Variants in FBXL7 observed in about 807,000 individuals in gnomAD.
FBXL7 encodes F-box/LRR-repeat protein 7.
In FBXL7, 12 loss-of-function variants were observed where a neutral mutation model predicts 38.3. The ratio of observed to expected loss-of-function variants is 0.31; its 90% CI spans 0.20 to 0.51. The LOEUF (loss-of-function observed/expected upper bound fraction) is 0.51, where lower values mean the gene tolerates loss of function less well. Ranked by LOEUF, FBXL7 falls within the 20% of genes least tolerant of loss-of-function variation. The probability of loss-of-function intolerance (pLI) is 0.98; values close to 1 mark genes in which losing one functional copy is unlikely to be tolerated. For synonymous variants in FBXL7, 297 were observed against 300.9 expected (o/e 0.99, Z 0.13); for missense variants, 567 against 676.4 (o/e 0.84, Z 1.79).
intron 2 of FBXL7, among the ~76,000 whole-genome samples, chr5:15,871,064 T>C (rs1739936026): frequency 6.6e-6 from 1 of 152,160 alleles, no homozygotes; most frequent in Admixed American, 6.5e-5. Flanking sequence ...AGGAGAGCTC[T>C]TGCTGGCATC....
chr5:15,816,532 G>T (rs905425668), intron 2 of FBXL7, among the ~76,000 whole-genome samples: 6 of 152,030 alleles, frequency 3.9e-5, no homozygotes, highest in Admixed American at 1.3e-4. Context: ...TACATATTGG[G>T]TACACGTACA....
In FBXL7 at chr5:15,564,703, C is replaced by T. The variant is rs1380498606; in HGVS notation, c.38-51280C>T. On this transcript the variant is annotated intron_variant, in intron 1 of 3. Coordinates refer to ENST00000504595, the MANE Select transcript of FBXL7 (RefSeq NM_012304.5). ...TTAGTTTGAATCTGGTCCAGTATCC[C>T]GGATGCCAAATGACTTTCAGGAAGG... 2.0e-5 allele frequency among the ~76,000 whole-genome samples: 3 copies of T among 152,024 alleles called. No individual in the cohort carries two copies. The South Asian group carries it at 6.2e-4, about 32-fold the overall frequency.
intron 2 of FBXL7, among the ~76,000 whole-genome samples, chr5:15,743,327 C>T (rs559282813): frequency 9.2e-5 from 14 of 152,204 alleles, no homozygotes; most frequent in Non-Finnish European, 1.6e-4. Context: ...ATTGGGTAAA[C>T]ACACCTGTTC....
At chr5:15,631,147 T>C (rs1740984132) in intron 2 of FBXL7, among the ~76,000 whole-genome samples, 2 of 152,192 alleles carry the variant, frequency 1.3e-5, no homozygotes, top group African/African-American at 4.8e-5. Flanking sequence ...GGTTTTAATG[T>C]TGAAACTTAA....
At chr5:15,802,180 A>G (rs1737587831) in intron 2 of FBXL7, among the ~76,000 whole-genome samples, 1 of 152,092 alleles carries the variant, frequency 6.6e-6, no homozygotes, top group Non-Finnish European at 1.5e-5. Flanking sequence ...AATCACGCTG[A>G]GAGACCATCA....
In FBXL7 at chr5:15,898,183, GA is replaced by G. The variant is rs556770648; in HGVS notation, c.128-29704del. On this transcript the variant is annotated intron_variant, in intron 2 of 3. Coordinates refer to ENST00000504595, the MANE Select transcript of FBXL7 (RefSeq NM_012304.5). ...CCTACAGGCAGAGTGAAGATACTCAGAAAGTAAACTCAGCCCCAGCCAGGGA... is the reference window on the plus strand; with the variant it reads ...CCTACAGGCAGAGTGAAGATACTCAGAAGTAAACTCAGCCCCAGCCAGGGA... Among the ~76,000 whole-genome samples the G allele has an allele frequency of 2.3e-3, 352 of 151,670 alleles. 1 individual carries two copies. Among genetic ancestry groups the G allele is most frequent in the African/African-American group, 8.2e-3 (339 of 41,388 alleles).
chr5:15,631,684 A>C (rs1420637190), intron 2 of FBXL7, among the ~76,000 whole-genome samples: 1 of 150,626 alleles, frequency 6.6e-6, no homozygotes, highest in Non-Finnish European at 1.5e-5. Flanking sequence ...AAAAAAAAAA[A>C]AAAAAAAAAA....
chr5:15,672,700 G>A (rs971642641), intron 2 of FBXL7, among the ~76,000 whole-genome samples: 60 of 151,854 alleles, frequency 4.0e-4, no homozygotes, highest in South Asian at 2.1e-4. Context: ...GACTACAGGC[G>A]CATGCCATCA....
intron 2 of FBXL7, among the ~76,000 whole-genome samples, chr5:15,650,016 T>G (rs1395099746): frequency 6.6e-6 from 1 of 152,194 alleles, no homozygotes; most frequent in Non-Finnish European, 1.5e-5. Flanking sequence ...TATTTCCCAG[T>G]CCTGTAATAG....
chr5:15,538,682 A>G (rs1737655166), intron 1 of FBXL7, among the ~76,000 whole-genome samples: 1 of 152,202 alleles, frequency 6.6e-6, no homozygotes, highest in Admixed American at 6.5e-5. Context: ...CTCCTGGCAG[A>G]GCCTTCTATT....
At chr5:15,707,469 T>C (rs978778044) in intron 2 of FBXL7, among the ~76,000 whole-genome samples, 2 of 152,160 alleles carry the variant, frequency 1.3e-5, no homozygotes, top group Non-Finnish European at 1.5e-5. Context: ...TTGTGACACC[T>C]AGCCTGGCCA....
chr5:15,867,337 C>T (rs1338062434), intron 2 of FBXL7, among the ~76,000 whole-genome samples: 2 of 152,194 alleles, frequency 1.3e-5, no homozygotes, highest in African/African-American at 2.4e-5. Flanking sequence ...TCCTGACTAT[C>T]CTTAAGACTT....
At chr5:15,590,227 C>T (rs371987197) in intron 1 of FBXL7, among the ~76,000 whole-genome samples, 1 of 152,160 alleles carries the variant, frequency 6.6e-6, no homozygotes, top group Non-Finnish European at 1.5e-5. Flanking sequence ...GCTGCCTCAT[C>T]TGTCCAATCA....
chr5:15,809,941 A>G (rs1737813787), intron 2 of FBXL7, among the ~76,000 whole-genome samples: 1 of 152,210 alleles, frequency 6.6e-6, no homozygotes, highest in African/African-American at 2.4e-5. Flanking sequence ...TGTCATTTAT[A>G]TGTGCAACAT....
chr5:15,903,848 T>C (rs905982294), intron 2 of FBXL7, among the ~76,000 whole-genome samples: 1 of 152,194 alleles, frequency 6.6e-6, no homozygotes, highest in Non-Finnish European at 1.5e-5. Context: ...GCAGAACTCT[T>C]TTATCTTTCT....
intron 1 of FBXL7, among the ~76,000 whole-genome samples, chr5:15,543,696 A>T (rs1178068428): frequency 6.6e-6 from 1 of 152,200 alleles, no homozygotes; most frequent in East Asian, 1.9e-4. Flanking sequence ...CGCATGTGCT[A>T]AACACTAAAA....
intron 2 of FBXL7, among the ~76,000 whole-genome samples, chr5:15,754,061 C>T (rs896488808): frequency 1.3e-5 from 2 of 152,194 alleles, no homozygotes; most frequent in Non-Finnish European, 2.9e-5. Flanking sequence ...CACTGGACCT[C>T]ATTACCATAT....
chr5:15,747,518 C>G (rs542863417), intron 2 of FBXL7, among the ~76,000 whole-genome samples: 1 of 152,306 alleles, frequency 6.6e-6, no homozygotes, highest in Non-Finnish European at 1.5e-5. Context: ...CCACACCAAC[C>G]ATTTCTGTGT....
intron 1 of FBXL7, among the ~76,000 whole-genome samples, chr5:15,524,137 T>A (rs1737184263): frequency 6.6e-6 from 1 of 152,284 alleles, no homozygotes; most frequent in Non-Finnish European, 1.5e-5. Context: ...GCACTTTTTT[T>A]TCCCCATCTG....
Sources: allele counts gnomAD v4.1 joint callset (sites outside exome capture counted in the v4.1 genomes callset), GRCh38; gene constraint gnomAD v4.1.1; transcripts MANE v1.5; gene names NCBI Gene and HGNC (gene_info 2026-07-23, HGNC 2026-07-21).